NXPH1: variants seen among roughly 807,000 people sequenced by gnomAD.
NXPH1 encodes the protein neurexophilin 1, also known as neurexophilin-1.
In NXPH1, 5 loss-of-function variants were observed where a neutral mutation model predicts 23.7. That is an observed-to-expected ratio of 0.21 (90% CI 0.11 to 0.44). The LOEUF (loss-of-function observed/expected upper bound fraction) is 0.44, where lower values mean the gene tolerates loss of function less well. Ranked by LOEUF, NXPH1 falls within the 20% of genes least tolerant of loss-of-function variation. NXPH1 has a pLI of 0.99. For missense variants in NXPH1, 324 were observed against 321.6 expected, an observed-to-expected ratio of 1.01 and a Z score of -0.06; for synonymous variants, 144 against 122.2, an observed-to-expected ratio of 1.18 and a Z score of -1.18.
chr7:8,642,693 C>T (rs1221107737), intron 2 of NXPH1, among the ~76,000 whole-genome samples: 1 of 151,938 alleles, frequency 6.6e-6, no homozygotes, highest in Non-Finnish European at 1.5e-5. Context: ...TCTATTCGTC[C>T]ATATTTTCAT....
chr7:8,656,545 T>C (rs35640353), intron 2 of NXPH1, among the ~76,000 whole-genome samples: 93,594 of 149,200 alleles, frequency 0.63, 30,975 homozygotes, highest in East Asian at 0.83. Context: ...GTTTTTCTTT[T>C]TTTTTTTATT....
chr7:8,523,367 A>G (rs528050851), intron 2 of NXPH1, among the ~76,000 whole-genome samples: 33 of 152,354 alleles, frequency 2.2e-4, no homozygotes, highest in Admixed American at 2.0e-4. Flanking sequence ...GGTTTTCACT[A>G]CATGAAAATT....
chr7:8,719,556 T>C (rs1399326588), intron 2 of NXPH1, among the ~76,000 whole-genome samples: 2 of 152,154 alleles, frequency 1.3e-5, no homozygotes, highest in African/African-American at 4.8e-5. Flanking sequence ...TAATGAAAAT[T>C]ATATTATATT....
chr7:8,733,637 G>A (rs1780196390), intron 2 of NXPH1, among the ~76,000 whole-genome samples: 1 of 152,104 alleles, frequency 6.6e-6, no homozygotes, highest in Non-Finnish European at 1.5e-5. Flanking sequence ...GACCAGTGAT[G>A]AGCTTTTTTT....
chr7:8,446,612 C>T (rs1343508998), intron 2 of NXPH1, among the ~76,000 whole-genome samples: 1 of 152,206 alleles, frequency 6.6e-6, no homozygotes, highest in Non-Finnish European at 1.5e-5. Context: ...AACCAAATCT[C>T]TTCCTGTTTT....
intron 2 of NXPH1, among the ~76,000 whole-genome samples, chr7:8,540,614 G>A (rs533657391): frequency 6.6e-6 from 1 of 151,732 alleles, no homozygotes; most frequent in Admixed American, 6.6e-5. Context: ...GTCCTCGAAA[G>A]GAGAGAGCTG....
chr7:8,696,291 A>G (rs538097583), intron 2 of NXPH1, among the ~76,000 whole-genome samples: 1 of 152,338 alleles, frequency 6.6e-6, no homozygotes, highest in African/African-American at 2.4e-5. Flanking sequence ...TTCATTCAAC[A>G]GATATTCTTT....
At chr7:8,570,428 T>C (rs753658789) in intron 2 of NXPH1, among the ~76,000 whole-genome samples, 4 of 152,002 alleles carry the variant, frequency 2.6e-5, no homozygotes, top group African/African-American at 4.8e-5. Context: ...ACTTACCTTA[T>C]AGGATTGTTA....
chr7:8,461,362 A>G (rs764213612), intron 2 of NXPH1, among the ~76,000 whole-genome samples: 12 of 152,182 alleles, frequency 7.9e-5, no homozygotes, highest in South Asian at 2.1e-4. Context: ...AGTTACTCCC[A>G]AGCTCTAAGG....
At chr7:8,502,175 G>A (rs1817448115) in intron 2 of NXPH1, among the ~76,000 whole-genome samples, 1 of 151,944 alleles carries the variant, frequency 6.6e-6, no homozygotes, top group African/African-American at 2.4e-5. Flanking sequence ...CAGTGATAAT[G>A]TCTTTACTAA....
At chr7:8,677,812 T>C (rs965763830) in intron 2 of NXPH1, among the ~76,000 whole-genome samples, 9 of 112,140 alleles carry the variant, frequency 8.0e-5, no homozygotes, top group African/African-American at 3.2e-4. Flanking sequence ...GGTTATAAAT[T>C]GAAGTTTATT....
chr7:8,524,337 T>C (rs1405590218), intron 2 of NXPH1, among the ~76,000 whole-genome samples: 4 of 151,618 alleles, frequency 2.6e-5, no homozygotes, highest in Admixed American at 2.6e-4. Context: ...GGTCAATATA[T>C]ATCCTCTTAA....
chr7:8,531,258 T>C (rs976926275), intron 2 of NXPH1, among the ~76,000 whole-genome samples: 1 of 152,172 alleles, frequency 6.6e-6, no homozygotes, highest in African/African-American at 2.4e-5. Flanking sequence ...CTGAAAAATT[T>C]GAAACAGTCC....
chr7:8,455,354 A>G (rs1217589546), intron 2 of NXPH1, among the ~76,000 whole-genome samples: 1 of 152,178 alleles, frequency 6.6e-6, no homozygotes, highest in Non-Finnish European at 1.5e-5. Context: ...CCATGTATGA[A>G]GAAAATTGAT....
intron 2 of NXPH1, among the ~76,000 whole-genome samples, chr7:8,618,891 G>A (rs1045512215): frequency 1.3e-5 from 2 of 152,154 alleles, no homozygotes; most frequent in African/African-American, 4.8e-5. Flanking sequence ...TGCAATTGAA[G>A]TTATCTGGAC....
chr7:8,709,481 C>CT (rs1779753974), intron 2 of NXPH1, among the ~76,000 whole-genome samples: 1 of 152,148 alleles, frequency 6.6e-6, no homozygotes, highest in Non-Finnish European at 1.5e-5. Context: ...ACCTACCTCT[C>CT]TGTAACATCA....
chr7:8,630,312 A>G (rs1488930979), intron 2 of NXPH1, among the ~76,000 whole-genome samples: 1 of 152,172 alleles, frequency 6.6e-6, no homozygotes, highest in Non-Finnish European at 1.5e-5. Context: ...TTGAAGAATT[A>G]AAACTGTACA....
chr7:8,554,136 G>C (rs965081785), intron 2 of NXPH1, among the ~76,000 whole-genome samples: 1 of 151,400 alleles, frequency 6.6e-6, no homozygotes, highest in African/African-American at 2.4e-5. Flanking sequence ...CAAGATGTGG[G>C]ACTCAGGGAG....
intron 2 of NXPH1, among the ~76,000 whole-genome samples, chr7:8,546,957 A>G (rs1375325147): frequency 1.3e-5 from 2 of 151,450 alleles, no homozygotes; most frequent in Non-Finnish European, 3.0e-5. Flanking sequence ...ATACTGTGAG[A>G]TGATACTGGC....
Sources: allele counts gnomAD v4.1 joint callset (sites outside exome capture counted in the v4.1 genomes callset), GRCh38; gene constraint gnomAD v4.1.1; transcripts MANE v1.5; gene names NCBI Gene and HGNC (gene_info 2026-07-23, HGNC 2026-07-21).